SORCS2: variants seen among roughly 807,000 people sequenced by gnomAD.
SORCS2 encodes sortilin related VPS10 domain containing receptor 2.
SORCS2 carries 100 observed loss-of-function variants against 141.6 expected under a neutral mutation model. That is an observed-to-expected ratio of 0.71 (90% CI 0.60 to 0.83). The LOEUF (loss-of-function observed/expected upper bound fraction) is 0.83. Among genes scored for constraint, SORCS2 ranks in the 40% least tolerant of loss-of-function variants. The pLI, the probability that SORCS2 is intolerant of heterozygous loss-of-function variation, is 0.00. For synonymous variants in SORCS2, 789 were observed against 676.9 expected (o/e 1.17, Z -2.57); for missense variants, 1,646 against 1,560.2 (o/e 1.05, Z -0.93).
At chr4:7,666,916 A>G (rs1577918791) in intron 7 of SORCS2, among the ~76,000 whole-genome samples, 1 of 152,150 alleles carries the variant, frequency 6.6e-6, no homozygotes, top group Non-Finnish European at 1.5e-5. Context: ...TTCTGACTGA[A>G]GGAAGCAGAA....
chr4:7,645,484 TGTGTGTGAGTGTGTGTGG>T (rs1411931573), intron 4 of SORCS2, among the ~76,000 whole-genome samples: 1 of 151,638 alleles, frequency 6.6e-6, no homozygotes, highest in Non-Finnish European at 1.5e-5. Context: ...TGTGTACATG[TGTGTGTGAGTGTGTGTGG>T]GTGTGTGAGT....
At chr4:7,714,499 C>T in intron 16 of SORCS2, 126 bp downstream of exon 16, 7 of 1,027,388 alleles carry the variant, frequency 6.8e-6, no homozygotes, top group Non-Finnish European at 9.8e-6. Context: ...GTCACAGTCG[C>T]ACACTGCCAC....
intron 3 of SORCS2, among the ~76,000 whole-genome samples, chr4:7,604,752 C>T (rs988247908): frequency 3.9e-5 from 6 of 152,190 alleles, no homozygotes; most frequent in African/African-American, 1.4e-4. Context: ...TCAATTAAAA[C>T]TTTTTCCTTT....
chr4:7,225,358 G>A (rs1728931741), intron 1 of SORCS2, among the ~76,000 whole-genome samples: 1 of 152,218 alleles, frequency 6.6e-6, no homozygotes, highest in Non-Finnish European at 1.5e-5. Flanking sequence ...CCCTGCTCTT[G>A]GCTCAGAGCA....
intron 5 of SORCS2, among the ~76,000 whole-genome samples, 152 bp from the exon 6 acceptor site, chr4:7,661,348 G>C (rs1307787271): frequency 6.7e-6 from 1 of 150,278 alleles, no homozygotes; most frequent in Non-Finnish European, 1.5e-5. Flanking sequence ...AGGAGCAGGT[G>C]GGGTCCTGGG....
intron 2 of SORCS2, among the ~76,000 whole-genome samples, chr4:7,475,895 G>C (rs1206123986): frequency 6.6e-6 from 1 of 152,222 alleles, no homozygotes; most frequent in Non-Finnish European, 1.5e-5. Context: ...CTGGGTTCTT[G>C]GATCTGGTGC....
At chr4:7,480,485 A>C (rs781133405) in intron 2 of SORCS2, among the ~76,000 whole-genome samples, 20 of 152,208 alleles carry the variant, frequency 1.3e-4, no homozygotes, top group Non-Finnish European at 2.5e-4. Context: ...CCATGCTCTG[A>C]AGCTGGGCAG....
chr4:7,208,168 G>T (rs1727854274), intron 1 of SORCS2, among the ~76,000 whole-genome samples: 1 of 151,912 alleles, frequency 6.6e-6, no homozygotes, highest in African/African-American at 2.4e-5. Context: ...TCCCTGGCCT[G>T]GCCTCCTCAC....
intron 1 of SORCS2, among the ~76,000 whole-genome samples, chr4:7,315,192 G>A (rs1433703096): frequency 2.6e-5 from 4 of 152,150 alleles, no homozygotes; most frequent in Non-Finnish European, 5.9e-5. Context: ...AGCTTCGAGT[G>A]AGCCTCCCCA....
At chr4:7,543,319 T>C (rs1291011942) in intron 3 of SORCS2, among the ~76,000 whole-genome samples, 1 of 152,126 alleles carries the variant, frequency 6.6e-6, no homozygotes, top group Non-Finnish European at 1.5e-5. Context: ...ATCAGTCCAC[T>C]AATTCATTCA....
At chr4:7,711,039 C>T (rs542840358) in intron 14 of SORCS2, among the ~76,000 whole-genome samples, 2 of 152,290 alleles carry the variant, frequency 1.3e-5, no homozygotes, top group South Asian at 2.1e-4. Flanking sequence ...GCTGCTCCCT[C>T]GACGAGCTGG....
At chr4:7,369,824 C>G (rs1722135021) in intron 1 of SORCS2, among the ~76,000 whole-genome samples, 1 of 152,206 alleles carries the variant, frequency 6.6e-6, no homozygotes, top group East Asian at 1.9e-4. Flanking sequence ...GGCAGGGCAG[C>G]CTCCCTACCC....
At chr4:7,356,627 G>A (rs186408405) in intron 1 of SORCS2, among the ~76,000 whole-genome samples, 58 of 152,278 alleles carry the variant, frequency 3.8e-4, no homozygotes, top group African/African-American at 1.0e-3. Flanking sequence ...TCCAAATACC[G>A]TTACACTGGG....
At chr4:7,689,322 T>C (rs1374494237) in intron 10 of SORCS2, among the ~76,000 whole-genome samples, 164 bp from the exon 11 acceptor site, 1 of 152,114 alleles carries the variant, frequency 6.6e-6, no homozygotes, top group African/African-American at 2.4e-5. Context: ...TCCCTAAAGG[T>C]CAGCCTCACA....
chr4:7,261,588 C>G (rs1225288412), intron 1 of SORCS2, among the ~76,000 whole-genome samples: 1 of 152,232 alleles, frequency 6.6e-6, no homozygotes, highest in East Asian at 1.9e-4. Context: ...CAAATTAGTT[C>G]CTTGAATGAT....
intron 1 of SORCS2, among the ~76,000 whole-genome samples, chr4:7,349,992 AC>A (rs1009180282): frequency 2.0e-5 from 3 of 152,040 alleles, no homozygotes; most frequent in Non-Finnish European, 4.4e-5. Flanking sequence ...ATTCTGTTTT[AC>A]CCCTGGCCCC....
chr4:7,488,960 C>A (rs1461735510), intron 2 of SORCS2, among the ~76,000 whole-genome samples: 1 of 152,250 alleles, frequency 6.6e-6, no homozygotes, highest in Non-Finnish European at 1.5e-5. Flanking sequence ...TCACTAGCTA[C>A]ATTTACGTAT....
rs779645813 is a variant in SORCS2 at position 7,590,926 on chromosome 4, GC to G, written c.649-47401del. Reference sequence around the variant, plus strand: ...CATCACCATATCTATATAGGGGTGAGCTTTCTTGTCCTTAAAATGTAGAAAA... The same window carrying G: ...CATCACCATATCTATATAGGGGTGAGTTTCTTGTCCTTAAAATGTAGAAAA... On this transcript the variant is annotated intron_variant, in intron 3 of 26. Coordinates refer to ENST00000507866, the MANE Select transcript of SORCS2 (RefSeq NM_020777.3). 7.7e-4 allele frequency among the ~76,000 whole-genome samples: 118 copies of G among 152,336 alleles called. 1 individual carries two copies. The highest frequency in any genetic ancestry group is 1.3e-3 in the Non-Finnish European group (89 of 68,038).
chr4:7,562,327 C>CAA (rs10695685), intron 3 of SORCS2, among the ~76,000 whole-genome samples: 21,399 of 150,456 alleles, frequency 0.14, 1,505 homozygotes, highest in Non-Finnish European at 0.17. Flanking sequence ...GGCCCTGAGG[C>CAA]AAAAAAAAGG....
Sources: gnomAD v4.1 joint callset for allele counts (sites outside exome capture counted in the v4.1 genomes callset) on GRCh38, gnomAD v4.1.1 for gene constraint, MANE v1.5 for transcripts, NCBI Gene and HGNC (gene_info 2026-07-23, HGNC 2026-07-21) for gene names.